COL21A1: variants seen among roughly 807,000 people sequenced by gnomAD.
COL21A1 encodes the protein collagen alpha-1(XXI) chain.
In COL21A1, 149 loss-of-function variants were observed where a neutral mutation model predicts 137.9. The observed-to-expected ratio is 1.08, with a 90% CI of 0.95 to 1.24. COL21A1 has a LOEUF of 1.24. COL21A1 is among the 50% of genes most tolerant of loss of function. The pLI is 0.00. For synonymous variants in COL21A1, 456 were observed against 391.5 expected (o/e 1.16, Z -1.95); for missense variants, 1,167 against 1,158.4 (o/e 1.01, Z -0.11).
chr6:56,150,518 A>T (rs796385638), intron 10 of COL21A1, among the ~76,000 whole-genome samples: 1,315 of 76,218 alleles, frequency 0.017, 32 homozygotes, highest in African/African-American at 0.072. Flanking sequence ...ACTCCATCAC[A>T]CACACACACA....
At chr6:56,173,677 G>A (rs2152275300) in intron 3 of COL21A1, among the ~76,000 whole-genome samples, 1 of 152,196 alleles carries the variant, frequency 6.6e-6, no homozygotes, top group East Asian at 1.9e-4. Flanking sequence ...GATTATATAT[G>A]CAGCCAACAT....
At chr6:56,135,289 C>A (rs1402604793) in intron 12 of COL21A1, among the ~76,000 whole-genome samples, 1 of 151,610 alleles carries the variant, frequency 6.6e-6, no homozygotes, top group Non-Finnish European at 1.5e-5. Flanking sequence ...GGATCACAGC[C>A]CAGTAGGAAA....
intron 2 of COL21A1, 146 bp from the exon 3 acceptor site, chr6:56,180,275 T>C (rs1777797983): frequency 2.8e-6 from 2 of 702,322 alleles, no homozygotes; most frequent in African/African-American, 3.7e-5. Flanking sequence ...AATGCTAACG[T>C]GAAATATTAC....
intron 9 of COL21A1, among the ~76,000 whole-genome samples, chr6:56,163,879 C>T (rs569598209): frequency 6.6e-6 from 1 of 151,964 alleles, no homozygotes; most frequent in African/African-American, 2.4e-5. Context: ...CTGGAACAAG[C>T]GCATATATAG....
intron 1 of COL21A1, among the ~76,000 whole-genome samples, chr6:56,265,727 C>T (rs910557853): frequency 6.6e-6 from 1 of 152,096 alleles, no homozygotes; most frequent in Non-Finnish European, 1.5e-5. Context: ...TTGCTTCTTC[C>T]ATGTTCAAAA....
intron 1 of COL21A1, among the ~76,000 whole-genome samples, chr6:56,193,704 A>C (rs1420597493): frequency 1.3e-5 from 2 of 152,146 alleles, no homozygotes; most frequent in Non-Finnish European, 2.9e-5. Flanking sequence ...TCAATTTCCA[A>C]ATTAGGCCCA....
chr6:56,311,343 G>A (rs1185531238), intron 1 of COL21A1, among the ~76,000 whole-genome samples: 1 of 152,154 alleles, frequency 6.6e-6, no homozygotes, highest in African/African-American at 2.4e-5. Flanking sequence ...AGAGCCCCTT[G>A]GCAGAGAGTC....
At chr6:56,293,489 A>G (rs1018836443) in intron 1 of COL21A1, among the ~76,000 whole-genome samples, 2 of 152,168 alleles carry the variant, frequency 1.3e-5, no homozygotes, top group Non-Finnish European at 2.9e-5. Flanking sequence ...GGTGTAACTC[A>G]CTATAATCAT....
Position 56,170,977 on chromosome 6 carries a change from A to G in COL21A1, c.792T>C (p.Asp264=). Reference sequence around the variant, plus strand: ...ATGCATACCTTGTGAGTTCTGATAAATCAACTTTTGATGTTACTTCATATC... The same window carrying G: ...ATGCATACCTTGTGAGTTCTGATAAGTCAACTTTTGATGTTACTTCATATC... The part of the protein sequence containing the change: ...IKGYEVTSKV[D]LSELTSNVFP... Residue 264 remains aspartate (D), a synonymous_variant, in exon 4 of 30, where the codon GAT becomes GAC. Coordinates refer to ENST00000244728, the MANE Select transcript of COL21A1 (RefSeq NM_030820.4). 6.2e-7 allele frequency: 1 copy of G among 1,603,008 alleles called. No individual in the cohort carries two copies. Among genetic ancestry groups the G allele is most frequent in the Non-Finnish European group, 8.5e-7 (1 of 1,175,686 alleles).
chr6:56,113,228 G>C (rs909067690), intron 16 of COL21A1, among the ~76,000 whole-genome samples: 1 of 152,224 alleles, frequency 6.6e-6, no homozygotes, highest in Admixed American at 6.5e-5. Context: ...AGCCAAGAGA[G>C]TGTTGACAGC....
intron 1 of COL21A1, among the ~76,000 whole-genome samples, chr6:56,272,114 T>G (rs1257467412): frequency 2.0e-5 from 3 of 152,126 alleles, no homozygotes; most frequent in African/African-American, 7.2e-5. Context: ...CATCTCCAGA[T>G]CAGAGAAAGG....
chr6:56,113,405 C>T (rs1028345377), intron 16 of COL21A1, among the ~76,000 whole-genome samples: 4 of 152,170 alleles, frequency 2.6e-5, no homozygotes, highest in African/African-American at 9.7e-5. Context: ...CAAGAGGCCC[C>T]CTTTCCAGGC....
intron 1 of COL21A1, among the ~76,000 whole-genome samples, chr6:56,369,822 G>A (rs965051562): frequency 3.9e-5 from 6 of 152,140 alleles, no homozygotes; most frequent in African/African-American, 1.4e-4. Flanking sequence ...AACAGCCACA[G>A]TAAATATTTA....
At chr6:56,189,778 A>G (rs1157184827) in intron 1 of COL21A1, among the ~76,000 whole-genome samples, 2 of 152,232 alleles carry the variant, frequency 1.3e-5, no homozygotes, top group African/African-American at 4.8e-5. Context: ...CTCTCAGCAG[A>G]AATCCTCAAA....
At chr6:56,107,873 A>G (rs1771085945) in intron 16 of COL21A1, among the ~76,000 whole-genome samples, 1 of 152,162 alleles carries the variant, frequency 6.6e-6, no homozygotes, top group African/African-American at 2.4e-5. Context: ...AAACAAAGAT[A>G]AAGTGTAAAA....
chr6:56,058,632 A>G (rs985678861), intron 29 of COL21A1, among the ~76,000 whole-genome samples: 10 of 152,190 alleles, frequency 6.6e-5, no homozygotes, highest in African/African-American at 2.4e-4. Flanking sequence ...TCCAAAGCCT[A>G]TTAATAACAT....
At chr6:56,193,759 TG>T (rs1156353690) in intron 1 of COL21A1, among the ~76,000 whole-genome samples, 1 of 150,374 alleles carries the variant, frequency 6.7e-6, no homozygotes, top group Non-Finnish European at 1.5e-5. Flanking sequence ...GAGGTTTTTT[TG>T]TTTTTTTTTT....
At chr6:56,216,907 A>T (rs532237962) in intron 1 of COL21A1, among the ~76,000 whole-genome samples, 36 of 152,086 alleles carry the variant, frequency 2.4e-4, no homozygotes, top group Non-Finnish European at 4.4e-4. Context: ...AAAATTAAGA[A>T]CATGAGAATA....
intron 16 of COL21A1, among the ~76,000 whole-genome samples, chr6:56,103,154 A>C (rs998852217): frequency 6.6e-6 from 1 of 152,170 alleles, no homozygotes; most frequent in Non-Finnish European, 1.5e-5. Flanking sequence ...CAACTTCTTC[A>C]TTTAACATGG....
Sources: gnomAD v4.1 joint callset for allele counts (sites outside exome capture counted in the v4.1 genomes callset) on GRCh38, gnomAD v4.1.1 for gene constraint, MANE v1.5 for transcripts, NCBI Gene and HGNC (gene_info 2026-07-23, HGNC 2026-07-21) for gene names.